Variants in HEG1 observed in about 807,000 individuals in gnomAD.
HEG1 encodes protein HEG homolog 1.
Under a neutral mutation model 125.6 loss-of-function variants are expected in HEG1, and 56 were observed. The observed-to-expected ratio is 0.45, with a 90% confidence interval of 0.36 to 0.56. HEG1 has a LOEUF of 0.56. HEG1 is among the 20% of genes least tolerant of loss of function. HEG1 has a pLI of 0.00. For missense variants in HEG1, 1,523 were observed against 1,670.0 expected, an observed-to-expected ratio of 0.91 and a Z score of 1.53; for synonymous variants, 644 against 668.5, an observed-to-expected ratio of 0.96 and a Z score of 0.57.
intron 3 of HEG1, among the ~76,000 whole-genome samples, chr3:125,023,038 A>T (rs1353274153): frequency 6.6e-6 from 1 of 152,140 alleles, no homozygotes; most frequent in Non-Finnish European, 1.5e-5. Context: ...TACTAAAAAT[A>T]CAAAAATTAG....
rs562140146 is a variant in HEG1, at chr3:125,014,156, T to C, written c.1589-166A>G. On this transcript the variant is annotated intron_variant, in intron 5 of 16. Transcript: ENST00000311127. Reference sequence around the variant, plus strand: ...AGGGTGAGCACTCTGAATAAAGACATTGTGGGCAGGCAGGAGTGGTCAGTG... The same window carrying C: ...AGGGTGAGCACTCTGAATAAAGACACTGTGGGCAGGCAGGAGTGGTCAGTG... Among the ~76,000 whole-genome samples the C allele has an allele frequency of 6.0e-5, 9 of 149,150 alleles. No homozygotes were observed. The South Asian group carries it at 1.9e-3, about 31-fold the overall frequency.
At chr3:124,994,466 G>A (rs1420635069) in intron 12 of HEG1, among the ~76,000 whole-genome samples, 7 of 151,906 alleles carry the variant, frequency 4.6e-5, no homozygotes, top group Non-Finnish European at 8.8e-5. Context: ...GTGAATTCAA[G>A]TCTTCTGGAC....
chr3:124,973,148 A>G (rs1305172441), intron 16 of HEG1, among the ~76,000 whole-genome samples: 5 of 151,988 alleles, frequency 3.3e-5, no homozygotes, highest in African/African-American at 1.2e-4. Context: ...TAGCCTCTCA[A>G]GTAGCTAGAA....
At position 125,031,909 on chromosome 3, in the gene HEG1, C is replaced by T. The variant is rs183079084; in HGVS notation, c.317-2421G>A. Among the ~76,000 whole-genome samples, 9 of 152,230 alleles carry T rather than the reference C, an allele frequency of 5.9e-5. No homozygotes were observed. The East Asian group carries it at 1.5e-3, about 26-fold the overall frequency. On this transcript the variant is annotated intron_variant, in intron 1 of 16. Coordinates refer to ENST00000311127, the MANE Select transcript of HEG1 (RefSeq NM_020733.2). ...GAGATACTGAGTCACAAACACAATC[C>T]ACATGTGTACACTTTAAATTTTCTA... is the stretch of plus-strand genomic sequence containing the variant.
At chr3:124,979,651 C>T (rs1056981662) in intron 14 of HEG1, among the ~76,000 whole-genome samples, 7 of 152,036 alleles carry the variant, frequency 4.6e-5, no homozygotes, top group African/African-American at 1.7e-4. Flanking sequence ...GCCGGATTCT[C>T]GATAGTAAAT....
chr3:124,971,165 C>T (rs1220801436), intron 16 of HEG1: 1 of 469,916 alleles, frequency 2.1e-6, no homozygotes. Flanking sequence ...ATAAGAGGGG[C>T]TACTTTGAGG....
At position 124,971,483 on chromosome 3, in the gene HEG1, CTTTTCT is replaced by C. The variant is rs563774884; in HGVS notation, c.3997-688_3997-683del. On this transcript the variant is annotated intron_variant, in intron 16 of 16. Transcript: ENST00000311127. The stretch of plus-strand genomic sequence containing the variant: ...ACCTTTCCCTCTCTTTCTTTCTTTT[CTTTTCT>C]TTTTCTTTTTCTTTCTTTTTTTAGA... 1.1e-3 allele frequency among the ~76,000 whole-genome samples: 156 copies of C among 141,126 alleles called. 2 individuals are homozygous for C. The highest frequency in any genetic ancestry group is 3.8e-3 in the African/African-American group (144 of 38,126). 92.6% of individuals were successfully genotyped at this position (141,126 alleles called of 152,430 possible).
At chr3:125,011,087 T>C (rs1937151362) in intron 6 of HEG1, among the ~76,000 whole-genome samples, 1 of 152,208 alleles carries the variant, frequency 6.6e-6, no homozygotes, top group Admixed American at 6.5e-5. Flanking sequence ...TATTGTGCCA[T>C]ATTTAGAAAA....
At chr3:125,042,066 C>T in intron 1 of HEG1, among the ~76,000 whole-genome samples, 1 of 152,308 alleles carries the variant, frequency 6.6e-6, no homozygotes, top group East Asian at 1.9e-4. Flanking sequence ...TGCCACTGAA[C>T]TGTATACTTA....
intron 1 of HEG1, among the ~76,000 whole-genome samples, chr3:125,041,732 G>A (rs1340725209): frequency 6.6e-6 from 1 of 152,246 alleles, no homozygotes; most frequent in Non-Finnish European, 1.5e-5. Flanking sequence ...TAAACAAAAT[G>A]TGGTATATAC....
At chr3:125,000,380 A>C (rs556800362) in intron 11 of HEG1, among the ~76,000 whole-genome samples, 1 of 152,238 alleles carries the variant, frequency 6.6e-6, no homozygotes, top group Non-Finnish European at 1.5e-5. Flanking sequence ...AACCTGGTGC[A>C]ATGTTGATCA....
intron 5 of HEG1, chr3:125,014,833 C>T (rs937561497): frequency 2.5e-5 from 32 of 1,289,670 alleles, no homozygotes; most frequent in Non-Finnish European, 3.1e-5. Flanking sequence ...CTGCCTGCTT[C>T]CCCAGAAGTC....
chr3:124,978,017 G>T, intron 14 of HEG1, 71 bp from the exon 15 acceptor site: 1 of 1,177,130 alleles, frequency 8.5e-7, no homozygotes, highest in Non-Finnish European at 1.2e-6. Flanking sequence ...CTCAAGAATG[G>T]TCTCCCCTGA....
chr3:125,034,142 T>C (rs1358646102), intron 1 of HEG1, among the ~76,000 whole-genome samples: 1 of 152,268 alleles, frequency 6.6e-6, no homozygotes, highest in African/African-American at 2.4e-5. Flanking sequence ...TAGACACAAA[T>C]ACAAATGCTC....
intron 14 of HEG1, among the ~76,000 whole-genome samples, chr3:124,986,781 C>T (rs1384208667): frequency 1.3e-5 from 2 of 152,206 alleles, no homozygotes; most frequent in Non-Finnish European, 2.9e-5. Context: ...AGAGAGAAAT[C>T]TTGGCTACTT....
intron 4 of HEG1, among the ~76,000 whole-genome samples, chr3:125,020,293 G>C (rs1394858091): frequency 6.6e-6 from 1 of 152,144 alleles, no homozygotes; most frequent in Non-Finnish European, 1.5e-5. Flanking sequence ...GGATGGAGTG[G>C]CATGCACCTG....
At chr3:125,036,176 C>T (rs1265297768) in intron 1 of HEG1, among the ~76,000 whole-genome samples, 1 of 134,464 alleles carries the variant, frequency 7.4e-6, no homozygotes, top group East Asian at 2.5e-4. Flanking sequence ...TGCCACTGCA[C>T]TCTAGCCTGG....
Position 125,029,392 on chromosome 3 carries a change from GA to G in HEG1, c.412del (p.Ser138ProfsTer5). The G allele has an allele frequency of 6.2e-7, 1 of 1,612,228 alleles. No homozygotes were observed. The highest frequency in any genetic ancestry group is 8.5e-7 in the Non-Finnish European group (1 of 1,179,884). On this transcript the variant is annotated frameshift_variant, in exon 2 of 17. Transcript: ENST00000311127. LOFTEE classifies it high-confidence loss of function. ...GGTCTGAACCATCACGCCCTCTTTGGAGGACACTGTTGAAAAGTCCTCTTGA... is the reference window on the plus strand; with the variant it reads ...GGTCTGAACCATCACGCCCTCTTTGGGGACACTGTTGAAAAGTCCTCTTGA... ...QNQEDFSTVS[S>X]KEGVMVQTSG...
At chr3:125,019,973 C>T (rs1292156724) in intron 4 of HEG1, among the ~76,000 whole-genome samples, 1 of 152,198 alleles carries the variant, frequency 6.6e-6, no homozygotes, top group African/African-American at 2.4e-5. Flanking sequence ...TTTCCTAAAA[C>T]AGTTCTCATA....
Sources: gnomAD v4.1 joint callset for allele counts (sites outside exome capture counted in the v4.1 genomes callset) on GRCh38, gnomAD v4.1.1 for gene constraint, MANE v1.5 for transcripts, NCBI Gene and HGNC (gene_info 2026-07-23, HGNC 2026-07-21) for gene names.